The following FAM227A variants were observed in gnomAD, a reference collection of about 807,000 sequenced individuals.
The protein encoded by FAM227A is protein FAM227A.
Under a neutral mutation model 74.7 loss-of-function variants are expected in FAM227A, and 80 were observed. The ratio of observed to expected loss-of-function variants is 1.07; its 90% CI spans 0.89 to 1.29. The LOEUF is 1.29. Ranked by LOEUF, FAM227A falls within the 50% of genes most tolerant of loss-of-function variation. The pLI, the probability that FAM227A is intolerant of heterozygous loss-of-function variation, is 0.00. For synonymous variants in FAM227A, 237 were observed against 241.8 expected, an observed-to-expected ratio of 0.98 and a Z score of 0.19; for missense variants, 654 against 683.4, an observed-to-expected ratio of 0.96 and a Z score of 0.48.
chr22:38,646,474 G>A (rs553753223), intron 2 of FAM227A, among the ~76,000 whole-genome samples: 2 of 150,280 alleles, frequency 1.3e-5, no homozygotes, highest in African/African-American at 4.9e-5. Flanking sequence ...GTTTTAGCTG[G>A]GATGGTCTCG....
intron 5 of FAM227A, among the ~76,000 whole-genome samples, chr22:38,637,453 G>A (rs889929220): frequency 7.2e-5 from 11 of 152,172 alleles, no homozygotes; most frequent in South Asian, 2.1e-4. Context: ...ATGATTTTTA[G>A]GATAAAACTA....
intron 15 of FAM227A, among the ~76,000 whole-genome samples, chr22:38,596,083 G>T (rs368733354): frequency 6.6e-6 from 1 of 152,144 alleles, no homozygotes; most frequent in African/African-American, 2.4e-5. Flanking sequence ...AGTTTGGGAG[G>T]CTGAGGCAGG....
intron 6 of FAM227A, among the ~76,000 whole-genome samples, chr22:38,632,688 A>T (rs1017643595): frequency 6.6e-6 from 1 of 152,156 alleles, no homozygotes; most frequent in Non-Finnish European, 1.5e-5. Context: ...TGGGTGATAA[A>T]GGGGCCTGGG....
At chr22:38,615,658 G>A (rs1456434985) in intron 11 of FAM227A, among the ~76,000 whole-genome samples, 1 of 152,218 alleles carries the variant, frequency 6.6e-6, no homozygotes. Context: ...TGCAGTGGGG[G>A]GGCCTGATTC....
At chr22:38,616,352 G>T (rs1232617178) in intron 11 of FAM227A, among the ~76,000 whole-genome samples, 1 of 152,138 alleles carries the variant, frequency 6.6e-6, no homozygotes, top group East Asian at 1.9e-4. Flanking sequence ...AGGCAGAGAT[G>T]GGGGTACAGA....
In FAM227A at chr22:38,605,359, G is replaced by A. The variant is rs1322963444; in HGVS notation, c.1127-11C>T. Reference sequence around the variant, plus strand: ...TCTGACAATGATGCTCTGTCAATGTGACATTAGCAAGAAAATGACCATTAG... The same window carrying A: ...TCTGACAATGATGCTCTGTCAATGTAACATTAGCAAGAAAATGACCATTAG... On this transcript the variant is annotated splice_polypyrimidine_tract_variant and intron_variant, in intron 12 of 16. Transcript: ENST00000535113. 7 of 1,493,384 alleles carry A rather than the reference G, an allele frequency of 4.7e-6. No homozygotes were observed. The African/African-American group carries it at 5.6e-5, about 12-fold the overall frequency. The allele number at this position is 1,493,384 out of a possible 1,614,324, so 92.5% of individuals were successfully genotyped here.
At chr22:38,628,382 CT>C (rs1263897507) in intron 7 of FAM227A, 40 bp from the exon 8 acceptor site, 2 of 1,285,246 alleles carry the variant, frequency 1.6e-6, no homozygotes, top group African/African-American at 3.0e-5. Context: ...ACTAAAGTCC[CT>C]TGCTGAAACA....
intron 1 of FAM227A, chr22:38,653,912 T>C (rs904565759): frequency 6.6e-6 from 1 of 152,148 alleles, no homozygotes; most frequent in Admixed American, 6.6e-5. Flanking sequence ...GACAGGACAA[T>C]GAGTCAATTA....
At position 38,650,155 on chromosome 22, in the gene FAM227A, C is replaced by CTCCAA; in HGVS notation, c.13_14insTTGGA (p.Arg5IlefsTer15). 6.4e-7 allele frequency: 1 copy of CTCCAA among 1,551,632 alleles called. No individual in the cohort carries two copies. Among genetic ancestry groups the CTCCAA allele is most frequent in the Admixed American group, 2.0e-5 (1 of 50,978 alleles). On this transcript the variant is annotated frameshift_variant, in exon 2 of 17. Coordinates refer to ENST00000535113, the MANE Select transcript of FAM227A (RefSeq NM_001013647.2). LOFTEE classifies it high-confidence loss of function. ...GGTGAGGTTGATGACCTCCATCTTC[C>CTCCAA]TGAAGTGATTCATTGTCCAATTTCT...
rs1017152732 is a variant in FAM227A at position 38,641,268 on chromosome 22, G to A, written c.226-1544C>T. ...TCTCCAGGAAGGCAACTCCCAAACC[G>A]GACCAATGACCGGCATTTTGGGGAA... On this transcript the variant is annotated intron_variant, in intron 3 of 16. Coordinates refer to ENST00000535113, the MANE Select transcript of FAM227A (RefSeq NM_001013647.2). Among the ~76,000 whole-genome samples, 10 of 152,140 alleles carry A rather than the reference G, an allele frequency of 6.6e-5. 1 individual carries two copies. Among genetic ancestry groups the A allele is most frequent in the South Asian group, 2.1e-4 (1 of 4,828 alleles).
At chr22:38,645,731 T>C (rs1603072003) in intron 2 of FAM227A, 86 bp from the exon 3 acceptor site, 2 of 739,654 alleles carry the variant, frequency 2.7e-6, no homozygotes, top group East Asian at 2.8e-5. Flanking sequence ...GGGCAGCCCC[T>C]GTCTGCACAG....
At position 38,650,088 on chromosome 22, in the gene FAM227A, C is replaced by T. The variant is rs374482512; in HGVS notation, c.81G>A (p.Ser27=). The T allele has an allele frequency of 1.7e-4, 268 of 1,551,932 alleles. No homozygotes were observed. The highest frequency in any genetic ancestry group is 2.1e-4 in the Non-Finnish European group (244 of 1,147,072). ...MIPVDEHLAV[S]LVARNTMVKT... ...TCACCATTGTATTCCGTGCGACAAGCGAGACAGCCAGGTGCTCATCCACTG... is the reference window on the plus strand; with the variant it reads ...TCACCATTGTATTCCGTGCGACAAGTGAGACAGCCAGGTGCTCATCCACTG... Residue 27 remains serine, a synonymous_variant, in exon 2 of 17, where the codon TCG becomes TCA. Transcript: ENST00000535113.
chr22:38,628,488 G>A, intron 7 of FAM227A, 146 bp from the exon 8 acceptor site: 1 of 648,978 alleles, frequency 1.5e-6, no homozygotes, highest in South Asian at 1.9e-5. Context: ...GAAATAATGT[G>A]TTCATTTTTG....
intron 11 of FAM227A, among the ~76,000 whole-genome samples, chr22:38,608,683 G>A (rs553791523): frequency 3.3e-5 from 5 of 151,936 alleles, no homozygotes; most frequent in South Asian, 4.2e-4. Flanking sequence ...CACCTGCCTC[G>A]GCCTCCCAAA....
chr22:38,615,489 G>A (rs1303129148), intron 11 of FAM227A, among the ~76,000 whole-genome samples: 3 of 152,210 alleles, frequency 2.0e-5, no homozygotes, highest in Non-Finnish European at 4.4e-5. Context: ...TGAGGGACAA[G>A]GAGGAACCAG....
chr22:38,606,786 G>A (rs1439341532), intron 12 of FAM227A, among the ~76,000 whole-genome samples: 4 of 152,182 alleles, frequency 2.6e-5, no homozygotes, highest in Admixed American at 2.0e-4. Flanking sequence ...GACAGGAGCA[G>A]TCATCATGTC....
chr22:38,642,665 G>T (rs1350579132), intron 3 of FAM227A, among the ~76,000 whole-genome samples: 2 of 152,242 alleles, frequency 1.3e-5, no homozygotes, highest in Admixed American at 6.5e-5. Flanking sequence ...GCCGGGCGTG[G>T]TGGCTCACGC....
chr22:38,587,296 T>C (rs1413375356), intron 16 of FAM227A, among the ~76,000 whole-genome samples: 1 of 151,838 alleles, frequency 6.6e-6, no homozygotes, highest in African/African-American at 2.4e-5. Context: ...AAATAGAGAA[T>C]AGAAAAAATA....
intron 11 of FAM227A, among the ~76,000 whole-genome samples, chr22:38,614,566 T>C (rs2091536594): frequency 6.6e-6 from 1 of 152,192 alleles, no homozygotes; most frequent in South Asian, 2.1e-4. Flanking sequence ...CAGCCAGCTC[T>C]TTCATTGAGC....
Sources: gnomAD v4.1 joint callset for allele counts (sites outside exome capture counted in the v4.1 genomes callset) on GRCh38, gnomAD v4.1.1 for gene constraint, MANE v1.5 for transcripts, NCBI Gene and HGNC (gene_info 2026-07-23, HGNC 2026-07-21) for gene names.